RSPO4: variants seen among roughly 807,000 people sequenced by gnomAD.
RSPO4 encodes R-spondin 4.
Under a neutral mutation model 24.8 loss-of-function variants are expected in RSPO4, and 23 were observed. The ratio of observed to expected loss-of-function variants is 0.93; its 90% CI spans 0.67 to 1.31. RSPO4 has a LOEUF of 1.31. Ranked by LOEUF, RSPO4 falls within the 40% of genes most tolerant of loss-of-function variation. The probability of loss-of-function intolerance (pLI) is 0.00; values close to 1 mark genes in which losing one functional copy is unlikely to be tolerated. For missense variants in RSPO4, 333 were observed against 316.5 expected (o/e 1.05, Z -0.39); for synonymous variants, 141 against 127.4 (o/e 1.11, Z -0.72).
chr20:970,153 C>T lies in RSPO4; in HGVS notation c.80-2015G>A, dbSNP rs1198369694. Reference sequence around the variant, plus strand: ...GGTCAGATACACATTCTGGTGACTCCAGTCCTGGGAGTGGGACACAAGAGT... The same window carrying T: ...GGTCAGATACACATTCTGGTGACTCTAGTCCTGGGAGTGGGACACAAGAGT... On this transcript the variant is annotated intron_variant, in intron 1 of 4. Coordinates refer to ENST00000217260, the MANE Select transcript of RSPO4 (RefSeq NM_001029871.4). The surrounding 1 kb of genome is among the most constrained non-coding windows in gnomAD (Gnocchi z 4.1). 3.3e-5 allele frequency among the ~76,000 whole-genome samples: 5 copies of T among 152,174 alleles called. No individual in the cohort carries two copies. Among genetic ancestry groups the T allele is most frequent in the African/African-American group, 1.2e-4 (5 of 41,440 alleles).
At chr20:967,829 G>A in intron 2 of RSPO4, 121 bp downstream of exon 2, 2 of 1,029,520 alleles carry the variant, frequency 1.9e-6, no homozygotes, top group Non-Finnish European at 3.0e-6. Flanking sequence ...AGGTATCTCA[G>A]AGTCTGGGCT....
chr20:970,336 C>A lies in RSPO4; in HGVS notation c.80-2198G>T, dbSNP rs942771911. Among the ~76,000 whole-genome samples the A allele has an allele frequency of 2.0e-5, 3 of 152,140 alleles. No individual in the cohort carries two copies. The highest frequency in any genetic ancestry group is 7.2e-5 in the African/African-American group (3 of 41,412). On this transcript the variant is annotated intron_variant, in intron 1 of 4. Transcript: ENST00000217260. The surrounding 1 kb of genome is among the most constrained non-coding windows in gnomAD (Gnocchi z 4.1). ...AGTACTGCTACTTCCCCAGTCCTCA[C>A]CTTCTGTTCCTTAGATTCGGTGAGG...
At chr20:969,037 C>G (rs532299900) in intron 1 of RSPO4, among the ~76,000 whole-genome samples, 1 of 152,186 alleles carries the variant, frequency 6.6e-6, no homozygotes, top group South Asian at 2.1e-4. Flanking sequence ...TCAGCCTGGC[C>G]AGGCACAGTG....
Position 964,063 on chromosome 20 carries a change from G to A in RSPO4, c.467C>T (p.Thr156Ile). 1 of 1,613,820 alleles carries A rather than the reference G, an allele frequency of 6.2e-7. No individual in the cohort carries two copies. The change falls in exon 4 of 5, where the codon ACC becomes ATC. Residue 156 changes from threonine to isoleucine, a missense_variant. Transcript: ENST00000217260. ...CTCCAGGCCCCAAGCCGAGCCGCAG[G>A]TCTTTCCATTGTGTGTGCAGGGGCT... Reference protein sequence around the residue: ...GWSPCTHNGKTCGSAWGLESR... With the variant: ...GWSPCTHNGKICGSAWGLESR...
At chr20:987,204 G>GCA (rs945611878) in intron 1 of RSPO4, among the ~76,000 whole-genome samples, 1 of 152,188 alleles carries the variant, frequency 6.6e-6, no homozygotes, top group Non-Finnish European at 1.5e-5. Flanking sequence ...CTGGGCTAGT[G>GCA]CACAGCCTGG....
At chr20:1,001,455 C>G (rs773513407) in intron 1 of RSPO4, among the ~76,000 whole-genome samples, 1 of 152,216 alleles carries the variant, frequency 6.6e-6, no homozygotes, top group African/African-American at 2.4e-5. Context: ...CTTGGCTCAT[C>G]TTCCTAGTGG....
chr20:972,252 G>T (rs1307768810), intron 1 of RSPO4, among the ~76,000 whole-genome samples: 1 of 152,034 alleles, frequency 6.6e-6, no homozygotes, highest in African/African-American at 2.4e-5. Flanking sequence ...TTTTTGTAGA[G>T]AAATGGTTTC....
intron 1 of RSPO4, among the ~76,000 whole-genome samples, chr20:977,026 C>A (rs1395556612): frequency 6.6e-6 from 1 of 152,182 alleles, no homozygotes; most frequent in East Asian, 1.9e-4. Flanking sequence ...ATTTCAGATA[C>A]TGAGGGAAAA....
At chr20:974,117 A>C (rs1984491974) in intron 1 of RSPO4, among the ~76,000 whole-genome samples, 1 of 152,156 alleles carries the variant, frequency 6.6e-6, no homozygotes, top group Non-Finnish European at 1.5e-5. Context: ...AAAGATCCAA[A>C]CTTGAAGGTT....
intron 3 of RSPO4, among the ~76,000 whole-genome samples, chr20:965,757 A>G (rs1357636221): frequency 6.6e-6 from 1 of 152,084 alleles, no homozygotes. Context: ...AGTTCTTCCT[A>G]CCACCCAAAA....
intron 1 of RSPO4, among the ~76,000 whole-genome samples, chr20:975,048 C>T (rs1356900398): frequency 6.6e-6 from 1 of 152,180 alleles, no homozygotes; most frequent in Non-Finnish European, 1.5e-5. Context: ...TTGGCTTGTC[C>T]CATAGCTCCA....
intron 1 of RSPO4, among the ~76,000 whole-genome samples, chr20:993,615 T>C (rs1985181287): frequency 6.6e-6 from 1 of 152,136 alleles, no homozygotes; most frequent in Non-Finnish European, 1.5e-5. Flanking sequence ...ATAATGTGGG[T>C]AGCCTGGGAG....
intron 1 of RSPO4, among the ~76,000 whole-genome samples, chr20:992,263 CTTTTTTT>C (rs35286852): frequency 1.6e-5 from 2 of 123,502 alleles, no homozygotes; most frequent in South Asian, 2.6e-4. Context: ...GGTCCACTTT[CTTTTTTT>C]TTTTTTTTTT....
At chr20:978,979 A>T (rs543200665) in intron 1 of RSPO4, among the ~76,000 whole-genome samples, 1 of 152,240 alleles carries the variant, frequency 6.6e-6, no homozygotes, top group South Asian at 2.1e-4. Flanking sequence ...GAAACTTTTC[A>T]TCCTTTGCCC....
At chr20:983,895 A>C (rs1984819153) in intron 1 of RSPO4, among the ~76,000 whole-genome samples, 1 of 152,200 alleles carries the variant, frequency 6.6e-6, no homozygotes, top group Admixed American at 6.5e-5. Context: ...TAAGTTGCCC[A>C]GATCCCATAG....
At chr20:961,381 G>A (rs975244073) in intron 4 of RSPO4, among the ~76,000 whole-genome samples, 4 of 152,248 alleles carry the variant, frequency 2.6e-5, no homozygotes, top group South Asian at 2.1e-4. Flanking sequence ...GGTGCGCAGC[G>A]AGGCTGTTAG....
intron 1 of RSPO4, among the ~76,000 whole-genome samples, chr20:973,031 G>A (rs537225030): frequency 2.8e-4 from 42 of 152,360 alleles, no homozygotes; most frequent in Non-Finnish European, 5.0e-4. Flanking sequence ...GAGAAAAACC[G>A]AGAATCAAGG....
intron 1 of RSPO4, among the ~76,000 whole-genome samples, chr20:983,227 C>T (rs554082601): frequency 6.6e-6 from 1 of 152,130 alleles, no homozygotes; most frequent in African/African-American, 2.4e-5. Flanking sequence ...TGGACTCAGA[C>T]TCATTGTATG....
At chr20:966,956 G>T (rs1984222451) in intron 3 of RSPO4, among the ~76,000 whole-genome samples, 1 of 152,354 alleles carries the variant, frequency 6.6e-6, no homozygotes, top group Non-Finnish European at 1.5e-5. Flanking sequence ...GCCAGTGTTG[G>T]TTGTAGTAGT....
Sources: allele counts gnomAD v4.1 joint callset (sites outside exome capture counted in the v4.1 genomes callset), GRCh38; gene constraint gnomAD v4.1.1; non-coding constraint Gnocchi (gnomAD v3.1); transcripts MANE v1.5; gene names NCBI Gene and HGNC (gene_info 2026-07-23, HGNC 2026-07-21).